Variants in GDA observed in about 807,000 individuals in gnomAD.
The protein encoded by GDA is guanine deaminase.
GDA carries 18 observed loss-of-function variants against 59.6 expected under a neutral mutation model. The ratio of observed to expected loss-of-function variants is 0.30; its 90% CI spans 0.21 to 0.45. The LOEUF (loss-of-function observed/expected upper bound fraction) is 0.45, where lower values mean the gene tolerates loss of function less well. Ranked by LOEUF, GDA falls within the 20% of genes least tolerant of loss-of-function variation. The pLI, the probability that GDA is intolerant of heterozygous loss-of-function variation, is 1.00. For synonymous variants in GDA, 201 were observed against 201.1 expected, an observed-to-expected ratio of 1.00 and a Z score of 0.00; for missense variants, 427 against 552.3, an observed-to-expected ratio of 0.77 and a Z score of 2.27.
intron 1 of GDA, among the ~76,000 whole-genome samples, chr9:72,136,799 C>A (rs943223752): frequency 1.3e-5 from 2 of 152,056 alleles, no homozygotes; most frequent in African/African-American, 4.8e-5. Flanking sequence ...CACAGTGAAA[C>A]CCCATCTCTA....
intron 1 of GDA, among the ~76,000 whole-genome samples, chr9:72,167,526 A>G (rs1433975435): frequency 6.6e-6 from 1 of 152,222 alleles, no homozygotes; most frequent in African/African-American, 2.4e-5. Flanking sequence ...ATTTCTGAAC[A>G]TGGCAAAAAG....
At chr9:72,224,702 A>AG (rs2131594072) in intron 7 of GDA, among the ~76,000 whole-genome samples, 1 of 151,994 alleles carries the variant, frequency 6.6e-6, no homozygotes, top group African/African-American at 2.4e-5. Context: ...CTGCATCCGG[A>AG]GGGGCAGTGC....
intron 1 of GDA, among the ~76,000 whole-genome samples, chr9:72,185,899 A>C (rs1184952336): frequency 3.3e-5 from 5 of 152,190 alleles, no homozygotes; most frequent in Non-Finnish European, 7.3e-5. Context: ...AAGCACTTGG[A>C]GTTGTTTGCT....
chr9:72,114,909 C>T (rs1485904405), intron 1 of GDA: 1 of 152,204 alleles, frequency 6.6e-6, no homozygotes, highest in Non-Finnish European at 1.5e-5. Context: ...TACCACAGCC[C>T]TGTCCCAGGG....
intron 1 of GDA, among the ~76,000 whole-genome samples, chr9:72,181,162 A>G (rs1419906753): frequency 1.3e-5 from 2 of 152,038 alleles, no homozygotes; most frequent in Non-Finnish European, 2.9e-5. Context: ...TTTTTAATTA[A>G]CTCATTGGGT....
chr9:72,209,181 T>C (rs1257478350), intron 3 of GDA, among the ~76,000 whole-genome samples: 2 of 152,078 alleles, frequency 1.3e-5, no homozygotes, highest in East Asian at 3.9e-4. Context: ...TGGGTTCTCT[T>C]TTTATTCCCT....
In GDA at chr9:72,250,867, T is replaced by C; in HGVS notation, c.*2525T>C. 6.3e-7 allele frequency: 1 copy of C among 1,589,482 alleles called. No individual in the cohort carries two copies. The highest frequency in any genetic ancestry group is 8.6e-7 in the Non-Finnish European group (1 of 1,161,980). On this transcript the variant is annotated 3_prime_UTR_variant, in exon 14 of 14. Transcript: ENST00000358399. ...GTAAAAACAATTCAAAAGTATCGAT[T>C]ATCATAAATTCACAAAATATTTTTG...
intron 1 of GDA, among the ~76,000 whole-genome samples, chr9:72,138,314 C>T (rs1035040709): frequency 2.0e-5 from 3 of 152,106 alleles, no homozygotes; most frequent in South Asian, 2.1e-4. Flanking sequence ...GAAGTGATTG[C>T]CTTGAAACGC....
At chr9:72,231,896 T>G (rs1280685235) in intron 10 of GDA, among the ~76,000 whole-genome samples, 1 of 152,254 alleles carries the variant, frequency 6.6e-6, no homozygotes, top group Non-Finnish European at 1.5e-5. Flanking sequence ...TAAGAATTGG[T>G]TTTGCTTTTA....
At chr9:72,214,766 C>G in intron 5 of GDA, 1 of 321,998 alleles carries the variant, frequency 3.1e-6, no homozygotes, top group Non-Finnish European at 5.9e-6. Flanking sequence ...CAGACTGTCA[C>G]TCTGTCACCC....
intron 1 of GDA, among the ~76,000 whole-genome samples, chr9:72,121,008 C>T (rs1825640801): frequency 6.6e-6 from 1 of 152,150 alleles, no homozygotes. Context: ...GTCCCCTCTC[C>T]TTTATCTTCA....
At position 72,161,466 on chromosome 9, in the gene GDA, A is replaced by G. The variant is rs117208747; in HGVS notation, c.123+11784A>G. Among the ~76,000 whole-genome samples the G allele has an allele frequency of 3.1e-4, 47 of 150,618 alleles. No individual in the cohort carries two copies. In the East Asian group the frequency reaches 8.9e-3, roughly 29 times the overall value. ...TTTTTTCTAATCTAGATGCCAATGT[A>G]TGTGGTTACTGGGAGCTGTAATTAG... is the stretch of plus-strand genomic sequence containing the variant. On this transcript the variant is annotated intron_variant, in intron 1 of 13. Coordinates refer to ENST00000358399, the MANE Select transcript of GDA (RefSeq NM_004293.5).
intron 1 of GDA, among the ~76,000 whole-genome samples, chr9:72,169,725 G>A (rs1829738475): frequency 6.6e-6 from 1 of 152,142 alleles, no homozygotes; most frequent in African/African-American, 2.4e-5. Flanking sequence ...TTGCGTTTCT[G>A]TTATCATCCA....
In GDA at chr9:72,228,014, C is replaced by A; in HGVS notation, c.894C>A (p.Ile298=). The A allele has an allele frequency of 6.3e-7, 1 of 1,587,014 alleles. No individual in the cohort carries two copies. The highest frequency in any genetic ancestry group is 8.7e-7 in the Non-Finnish European group (1 of 1,156,032). Residue 298 remains isoleucine, a synonymous_variant, in exon 9 of 14, where the codon ATC becomes ATA. Coordinates refer to ENST00000358399, the MANE Select transcript of GDA (RefSeq NM_004293.5). ...LNVFHERGAS[I]AHCPNSNLSL... Reference sequence around the variant, plus strand: ...TATTCCATGAACGAGGAGCATCCATCGCACACTGTCCCAATTCTAATTTAT... The same window carrying A: ...TATTCCATGAACGAGGAGCATCCATAGCACACTGTCCCAATTCTAATTTAT...
chr9:72,177,060 A>G (rs1019666790), intron 1 of GDA, among the ~76,000 whole-genome samples: 1 of 152,048 alleles, frequency 6.6e-6, no homozygotes, highest in African/African-American at 2.4e-5. Flanking sequence ...TAGTGGGAAA[A>G]ATGATGATCA....
At chr9:72,217,536 A>G (rs966887514) in intron 5 of GDA, among the ~76,000 whole-genome samples, 6 of 152,242 alleles carry the variant, frequency 3.9e-5, no homozygotes, top group Non-Finnish European at 8.8e-5. Flanking sequence ...GGTTTGTCCA[A>G]CTTGAATGTC....
At chr9:72,173,484 C>T (rs573016748) in intron 1 of GDA, among the ~76,000 whole-genome samples, 1 of 152,202 alleles carries the variant, frequency 6.6e-6, no homozygotes, top group South Asian at 2.1e-4. Flanking sequence ...GCGTGTGCCA[C>T]CACGCCCGGC....
intron 10 of GDA, 127 bp downstream of exon 10, chr9:72,231,308 A>T: frequency 1.7e-6 from 1 of 602,114 alleles, no homozygotes; most frequent in South Asian, 1.8e-5. Flanking sequence ...CGGGCACGGT[A>T]GCTCACGTCT....
At chr9:72,218,831 T>C (rs140905255) in intron 5 of GDA, among the ~76,000 whole-genome samples, 1 of 152,294 alleles carries the variant, frequency 6.6e-6, no homozygotes, top group East Asian at 1.9e-4. Context: ...CTAACAACCG[T>C]AGAGCATAAT....
Sources: gnomAD v4.1 joint callset for allele counts (sites outside exome capture counted in the v4.1 genomes callset) on GRCh38, gnomAD v4.1.1 for gene constraint, MANE v1.5 for transcripts, NCBI Gene and HGNC (gene_info 2026-07-23, HGNC 2026-07-21) for gene names.